The following DGKB variants were observed in gnomAD, a reference collection of about 807,000 sequenced individuals.
DGKB encodes diacylglycerol kinase beta.
DGKB carries 67 observed loss-of-function variants against 114.3 expected under a neutral mutation model. That is an observed-to-expected ratio of 0.59 (90% CI 0.48 to 0.72). The LOEUF (loss-of-function observed/expected upper bound fraction) is 0.72, where lower values mean the gene tolerates loss of function less well. Ranked by LOEUF, DGKB falls within the 30% of genes least tolerant of loss-of-function variation. DGKB has a pLI of 0.00. For missense variants in DGKB, 907 were observed against 975.2 expected (o/e 0.93, Z 0.93); for synonymous variants, 398 against 323.1 (o/e 1.23, Z -2.49).
At chr7:14,612,981 G>A (rs7781565) in intron 16 of DGKB, among the ~76,000 whole-genome samples, 2,381 of 151,916 alleles carry the variant, frequency 0.016, 71 homozygotes, top group African/African-American at 0.054. Context: ...GTATAAATTC[G>A]GTTCCTCAGT....
Position 14,823,546 on chromosome 7 carries a change from T to A in DGKB, c.70+17648A>T, listed in dbSNP as rs540077837. Among the ~76,000 whole-genome samples, 210 of 152,268 alleles carry A rather than the reference T, an allele frequency of 1.4e-3. 1 individual carries two copies. The highest frequency in any genetic ancestry group is 2.1e-3 in the Non-Finnish European group (146 of 68,002). On this transcript the variant is annotated intron_variant, in intron 2 of 25. Coordinates refer to ENST00000402815, the MANE Select transcript of DGKB (RefSeq NM_001350709.2). ...GAGAACTAATTGAAAGAGTTGACTA[T>A]CCATGCTTTAAAATGTCAGATTTTA...
chr7:14,631,743 T>C (rs1273595572), intron 13 of DGKB, among the ~76,000 whole-genome samples: 3 of 152,048 alleles, frequency 2.0e-5, no homozygotes, highest in Admixed American at 6.6e-5. Flanking sequence ...TCAAAGATAT[T>C]TGCCAACCTT....
chr7:14,560,621 A>G (rs2128669140), intron 20 of DGKB, among the ~76,000 whole-genome samples: 1 of 152,336 alleles, frequency 6.6e-6, no homozygotes, highest in Middle Eastern at 3.4e-3. Context: ...TTGAGCAGTT[A>G]TATTGCTTCT....
intron 23 of DGKB, among the ~76,000 whole-genome samples, chr7:14,184,511 C>T (rs1356750857): frequency 6.6e-6 from 1 of 152,038 alleles, no homozygotes. Flanking sequence ...GGGCTTTCCC[C>T]CACTTCCCTG....
At chr7:14,513,003 A>G (rs1008661196) in intron 20 of DGKB, among the ~76,000 whole-genome samples, 1 of 152,100 alleles carries the variant, frequency 6.6e-6, no homozygotes, top group East Asian at 1.9e-4. Flanking sequence ...GGGCAGATAC[A>G]AAGAAGATAT....
intron 23 of DGKB, among the ~76,000 whole-genome samples, chr7:14,333,460 T>TAAAAAAAAAAAAAAAAAAAAAAAA (rs36112659): frequency 7.9e-6 from 1 of 125,832 alleles, no homozygotes; most frequent in African/African-American, 3.0e-5. Flanking sequence ...GACTCCGTCT[T>TAAAAAAAAAAAAAAAAAAAAAAAA]AAAAAAAAAA....
chr7:14,592,730 A>G (rs1420463674), intron 17 of DGKB, among the ~76,000 whole-genome samples: 2 of 151,584 alleles, frequency 1.3e-5, no homozygotes, highest in African/African-American at 4.8e-5. Flanking sequence ...TCTATTATAT[A>G]TATTACAAAA....
intron 23 of DGKB, among the ~76,000 whole-genome samples, chr7:14,247,495 A>AT (rs1333642923): frequency 2.6e-5 from 4 of 152,072 alleles, no homozygotes; most frequent in Non-Finnish European, 5.9e-5. Flanking sequence ...CCCTTTCTCC[A>AT]TATCTTCTCC....
At position 14,178,057 on chromosome 7, in the gene DGKB, C is replaced by G. The variant is rs374789456; in HGVS notation, c.2217G>C (p.Leu739=). 14 of 1,601,546 alleles carry G rather than the reference C, an allele frequency of 8.7e-6. No individual in the cohort carries two copies. Among genetic ancestry groups the G allele is most frequent in the Non-Finnish European group, 1.1e-5 (13 of 1,175,622 alleles). Residue 739 remains leucine (L), a synonymous_variant, in exon 24 of 26, where the codon CTG becomes CTC. Coordinates refer to ENST00000402815, the MANE Select transcript of DGKB (RefSeq NM_001350709.2). ...TGATGACCACGCAGGAGCACTGAGC[C>G]AGCCGCCGGCCAGCACTTTTCAGGC... ...YTGLKSAGRR[L]AQCSCVVIRT...
intron 1 of DGKB, among the ~76,000 whole-genome samples, chr7:14,885,845 G>A (rs1341987904): frequency 1.3e-5 from 2 of 151,884 alleles, no homozygotes; most frequent in Non-Finnish European, 2.9e-5. Flanking sequence ...TTTAAACCAA[G>A]TAGTTCTTAA....
At chr7:14,423,930 T>C (rs923016207) in intron 21 of DGKB, among the ~76,000 whole-genome samples, 15 of 152,242 alleles carry the variant, frequency 9.9e-5, no homozygotes, top group Middle Eastern at 3.4e-3. Context: ...CTACATGTCA[T>C]TTAAATCAAC....
chr7:14,266,656 C>CCAA (rs1484756299), intron 23 of DGKB, among the ~76,000 whole-genome samples: 1 of 152,152 alleles, frequency 6.6e-6, no homozygotes, highest in East Asian at 1.9e-4. Context: ...CATTATTTAT[C>CCAA]CAACAACACT....
intron 1 of DGKB, among the ~76,000 whole-genome samples, chr7:14,842,484 A>T (rs1368514641): frequency 6.6e-6 from 1 of 152,256 alleles, no homozygotes; most frequent in East Asian, 1.9e-4. Flanking sequence ...CACAGAGACC[A>T]AACTGCTGGA....
intron 23 of DGKB, among the ~76,000 whole-genome samples, chr7:14,244,288 A>G (rs75061246): frequency 0.028 from 4,273 of 152,250 alleles, 196 homozygotes; most frequent in African/African-American, 0.098. Context: ...CTTTAGCTCA[A>G]TGACACTGTT....
chr7:14,849,389 G>C (rs1222958863), intron 1 of DGKB, among the ~76,000 whole-genome samples: 1 of 151,978 alleles, frequency 6.6e-6, no homozygotes, highest in Non-Finnish European at 1.5e-5. Flanking sequence ...ATTTAGGCCA[G>C]GACGGTTTCA....
intron 23 of DGKB, among the ~76,000 whole-genome samples, chr7:14,216,920 C>G (rs1264262090): frequency 6.6e-6 from 1 of 151,740 alleles, no homozygotes; most frequent in African/African-American, 2.4e-5. Flanking sequence ...TGTTTCTTTC[C>G]AACAATTTAT....
chr7:14,194,394 A>G (rs1784733157), intron 23 of DGKB, among the ~76,000 whole-genome samples: 1 of 152,196 alleles, frequency 6.6e-6, no homozygotes, highest in Non-Finnish European at 1.5e-5. Context: ...GTCATTTGTG[A>G]CAACATGGAT....
At chr7:14,463,895 T>A (rs1410851452) in intron 21 of DGKB, among the ~76,000 whole-genome samples, 2 of 152,186 alleles carry the variant, frequency 1.3e-5, no homozygotes, top group African/African-American at 4.8e-5. Flanking sequence ...AGTTTTATTG[T>A]AGTCTATTGC....
chr7:14,903,599 G>A (rs1290941588), upstream of DGKB, among the ~76,000 whole-genome samples: 1 of 152,116 alleles, frequency 6.6e-6, no homozygotes, highest in Non-Finnish European at 1.5e-5. Context: ...TCTACCAATT[G>A]TAGCAGCTGC....
Sources: allele counts gnomAD v4.1 joint callset (sites outside exome capture counted in the v4.1 genomes callset), GRCh38; gene constraint gnomAD v4.1.1; transcripts MANE v1.5; gene names NCBI Gene and HGNC (gene_info 2026-07-23, HGNC 2026-07-21).